Variants in KLF15 observed in about 807,000 individuals in gnomAD.
KLF15 encodes the protein KLF transcription factor 15, also known as Krueppel-like factor 15.
KLF15 carries 4 observed loss-of-function variants against 24.6 expected under a neutral mutation model. The observed-to-expected ratio is 0.16, with a 90% CI of 0.08 to 0.37. The LOEUF (loss-of-function observed/expected upper bound fraction) is 0.37, where lower values mean the gene tolerates loss of function less well. Among genes scored for constraint, KLF15 ranks in the 10% least tolerant of loss-of-function variants. KLF15 has a pLI of 1.00. For synonymous variants in KLF15, 246 were observed against 236.3 expected, an observed-to-expected ratio of 1.04 and a Z score of -0.37; for missense variants, 496 against 560.6, an observed-to-expected ratio of 0.88 and a Z score of 1.16.
chr3:126,351,633 A>G (rs1182663284), intron 2 of KLF15, among the ~76,000 whole-genome samples: 1 of 152,208 alleles, frequency 6.6e-6, no homozygotes, highest in Non-Finnish European at 1.5e-5. Context: ...AGGAAACTGG[A>G]CACCAGTTGG....
At chr3:126,326,772 G>T in the KLF15 span, among the ~76,000 whole-genome samples, 1 of 152,010 alleles carries the variant, frequency 6.6e-6, no homozygotes, top group Non-Finnish European at 1.5e-5. Flanking sequence ...AAAATTTTAA[G>T]TTATTAGTTT....
At chr3:126,321,456 C>T in the KLF15 span, among the ~76,000 whole-genome samples, 1 of 152,366 alleles carries the variant, frequency 6.6e-6, no homozygotes, top group East Asian at 1.9e-4. Flanking sequence ...CCCAGCACCA[C>T]TGAGTGCCTG....
the KLF15 span, among the ~76,000 whole-genome samples, chr3:126,330,838 A>G: frequency 1.3e-5 from 2 of 152,208 alleles, no homozygotes; most frequent in African/African-American, 2.4e-5. Context: ...CTCTTTTGTC[A>G]TGTGAATAAC....
At chr3:126,346,713 G>A (rs947550878) in intron 2 of KLF15, among the ~76,000 whole-genome samples, 13 of 152,018 alleles carry the variant, frequency 8.6e-5, no homozygotes, top group Admixed American at 2.0e-4. Flanking sequence ...TGAGCCCTCA[G>A]AAGACCCCCT....
downstream of KLF15, among the ~76,000 whole-genome samples, chr3:126,339,793 C>T (rs1467441809): frequency 1.3e-5 from 2 of 152,234 alleles, no homozygotes; most frequent in Non-Finnish European, 2.9e-5. Flanking sequence ...GCTCTCACGG[C>T]CCCACATAGA....
rs987577024 is a variant in KLF15 at position 126,356,035 on chromosome 3, C to T, written c.-26+1202G>A. ...CTGGCCGCCGGACTCCGCCCCCTCC[C>T]CTGGCCCGGCCAGGCCTGCTGTTTA... is the stretch of plus-strand genomic sequence containing the variant. On this transcript the variant is annotated intron_variant, in intron 1 of 2. Transcript: ENST00000296233. This position sits in a 1 kb window ranked among gnomAD's most constrained non-coding sequence, Gnocchi z 4.4. Among the ~76,000 whole-genome samples the T allele has an allele frequency of 1.1e-4, 17 of 152,324 alleles. No individual in the cohort carries two copies. The highest frequency in any genetic ancestry group is 4.1e-4 in the African/African-American group (17 of 41,588).
At chr3:126,323,641 A>G in the KLF15 span, among the ~76,000 whole-genome samples, 24 of 148,052 alleles carry the variant, frequency 1.6e-4, no homozygotes, top group African/African-American at 6.0e-4. Context: ...CCCATCAACT[A>G]GGTTCCCTCC....
chr3:126,320,431 A>G, the KLF15 span, among the ~76,000 whole-genome samples: 5 of 152,356 alleles, frequency 3.3e-5, no homozygotes, highest in South Asian at 1.0e-3. Context: ...GCACCTGCAC[A>G]AGGGCCTGTG....
the KLF15 span, among the ~76,000 whole-genome samples, chr3:126,307,212 C>T: frequency 1.1e-3 from 172 of 152,310 alleles, 1 homozygote; most frequent in East Asian, 0.023. Flanking sequence ...CGCTCCTTCC[C>T]CTCCCCCACT....
At chr3:126,295,661 A>G in the KLF15 span, among the ~76,000 whole-genome samples, 1 of 152,146 alleles carries the variant, frequency 6.6e-6, no homozygotes, top group Non-Finnish European at 1.5e-5. Context: ...GACAAAGATT[A>G]TATGCTTGGC....
the KLF15 span, among the ~76,000 whole-genome samples, chr3:126,308,976 G>T: frequency 6.6e-6 from 1 of 152,160 alleles, no homozygotes; most frequent in Non-Finnish European, 1.5e-5. Context: ...GGCAGCTGGG[G>T]CATGTGGAAA....
At chr3:126,355,747 G>A (rs951266069) in intron 1 of KLF15, among the ~76,000 whole-genome samples, 5 of 152,234 alleles carry the variant, frequency 3.3e-5, no homozygotes, top group Non-Finnish European at 7.3e-5. Context: ...GCGGGGGAGA[G>A]CGGGGGAGGT....
intron 1 of KLF15, among the ~76,000 whole-genome samples, chr3:126,353,289 C>T (rs2082602794): frequency 1.3e-5 from 2 of 152,146 alleles, no homozygotes. Flanking sequence ...TCTCTGGACC[C>T]CAGGAGGGCC....
chr3:126,289,102 C>CA, the KLF15 span, among the ~76,000 whole-genome samples: 2 of 152,158 alleles, frequency 1.3e-5, no homozygotes, highest in African/African-American at 4.8e-5. Context: ...GGAAGGTCAA[C>CA]AGAGGCTTTG....
At chr3:126,309,011 A>G in the KLF15 span, among the ~76,000 whole-genome samples, 1 of 152,172 alleles carries the variant, frequency 6.6e-6, no homozygotes, top group African/African-American at 2.4e-5. Flanking sequence ...AGGATGTGGC[A>G]CCATAAGACT....
At chr3:126,301,187 G>T in the KLF15 span, among the ~76,000 whole-genome samples, 1 of 152,176 alleles carries the variant, frequency 6.6e-6, no homozygotes, top group Non-Finnish European at 1.5e-5. Flanking sequence ...ACCCATGCAG[G>T]GTTTCAGTCC....
At chr3:126,344,034 A>G in intron 2 of KLF15, 139 bp from the exon 3 acceptor site, 1 of 811,582 alleles carries the variant, frequency 1.2e-6, no homozygotes, top group East Asian at 3.0e-5. Flanking sequence ...CCTCTACAGG[A>G]TTAGGGGAGG....
At chr3:126,338,362 C>T (rs1198219320), downstream of KLF15, among the ~76,000 whole-genome samples, 1 of 152,246 alleles carries the variant, frequency 6.6e-6, no homozygotes, top group East Asian at 1.9e-4. Context: ...AGAGCACTGC[C>T]ACTTTGCTGT....
At chr3:126,321,914 A>T in the KLF15 span, among the ~76,000 whole-genome samples, 1 of 152,010 alleles carries the variant, frequency 6.6e-6, no homozygotes, top group Non-Finnish European at 1.5e-5. Flanking sequence ...AGATGCCCAC[A>T]TGATGACCAA....
Sources: allele counts gnomAD v4.1 joint callset (sites outside exome capture counted in the v4.1 genomes callset), GRCh38; gene constraint gnomAD v4.1.1; non-coding constraint Gnocchi (gnomAD v3.1); transcripts MANE v1.5; gene names NCBI Gene and HGNC (gene_info 2026-07-23, HGNC 2026-07-21).